Variants in STAB2 observed in about 807,000 individuals in gnomAD.
The protein encoded by STAB2 is stabilin-2.
Under a neutral mutation model 338.1 loss-of-function variants are expected in STAB2, and 288 were observed. The observed-to-expected ratio is 0.85, with a 90% CI of 0.77 to 0.94. The LOEUF (loss-of-function observed/expected upper bound fraction) is 0.94. Among genes scored for constraint, STAB2 ranks in the 40% least tolerant of loss-of-function variants. The pLI is 0.00. For missense variants in STAB2, 3,141 were observed against 3,210.1 expected (o/e 0.98, Z 0.52); for synonymous variants, 1,202 against 1,193.3 (o/e 1.01, Z -0.15).
In STAB2 at chr12:103,713,777, C is replaced by T. The variant is rs375355287; in HGVS notation, c.4537+9C>T. On this transcript the variant is annotated intron_variant, in intron 42 of 68. Coordinates refer to ENST00000388887, the MANE Select transcript of STAB2 (RefSeq NM_017564.10). ...TGGCATTGTGTGCCTGGGTAGGTGT[C>T]CTTCCCTCTTCCATCGGCGAAATGG... The T allele has an allele frequency of 4.3e-6, 7 of 1,613,326 alleles. No homozygotes were observed. The highest frequency in any genetic ancestry group is 5.9e-6 in the Non-Finnish European group (7 of 1,179,566).
intron 31 of STAB2, among the ~76,000 whole-genome samples, chr12:103,693,348 G>A (rs1448645411): frequency 1.3e-5 from 2 of 151,912 alleles, no homozygotes; most frequent in African/African-American, 4.8e-5. Context: ...GAGGCAGGAG[G>A]ATCACTTGAG....
intron 3 of STAB2, among the ~76,000 whole-genome samples, chr12:103,609,950 G>A (rs1035190233): frequency 7.2e-5 from 11 of 152,118 alleles, no homozygotes; most frequent in Non-Finnish European, 1.2e-4. Context: ...ATAATCATGC[G>A]GTTTTTGTCA....
chr12:103,698,003 A>T (rs114643174), intron 33 of STAB2, among the ~76,000 whole-genome samples: 3 of 152,270 alleles, frequency 2.0e-5, no homozygotes, highest in Admixed American at 2.0e-4. Flanking sequence ...AGAGGGCAGG[A>T]TTAAGCTGGC....
chr12:103,610,502 T>G (rs1290848764), intron 3 of STAB2, among the ~76,000 whole-genome samples: 1 of 152,212 alleles, frequency 6.6e-6, no homozygotes, highest in Non-Finnish European at 1.5e-5. Context: ...TATCTGATGG[T>G]AGTTTGTATT....
At chr12:103,717,901 C>A (rs1880455902) in intron 44 of STAB2, 60 bp downstream of exon 44, 2 of 1,568,178 alleles carry the variant, frequency 1.3e-6, no homozygotes, top group Non-Finnish European at 1.8e-6. Context: ...GCCTCCCACC[C>A]CACTTCTCGG....
At chr12:103,702,294 ATTT>A (rs34124272) in intron 34 of STAB2, among the ~76,000 whole-genome samples, 3 of 143,564 alleles carry the variant, frequency 2.1e-5, no homozygotes, top group Non-Finnish European at 1.5e-5. Flanking sequence ...ATTATCAGTT[ATTT>A]TTTTTTTTTT....
In STAB2 at chr12:103,669,528, T is replaced by C. The variant is rs1417409697; in HGVS notation, c.2173-13T>C. On this transcript the variant is annotated splice_polypyrimidine_tract_variant and intron_variant, in intron 20 of 68. Coordinates refer to ENST00000388887, the MANE Select transcript of STAB2 (RefSeq NM_017564.10). ...TTGGGGGTTCAAAGGGGAACACGCA[T>C]TTTGTTTTTCAGATTCCAAAGTGCT... 1.2e-6 allele frequency: 2 copies of C among 1,613,030 alleles called. No individual in the cohort carries two copies. Among genetic ancestry groups the C allele is most frequent in the Non-Finnish European group, 8.5e-7 (1 of 1,179,000 alleles).
At chr12:103,713,886 G>T in intron 42 of STAB2, 118 bp downstream of exon 42, 2 of 1,498,126 alleles carry the variant, frequency 1.3e-6, no homozygotes, top group Non-Finnish European at 1.8e-6. Context: ...TATTCCATTT[G>T]CCAGGGCAGG....
Position 103,762,393 on chromosome 12 carries a change from G to A in STAB2, c.7479G>A (p.Gln2493=), listed in dbSNP as rs1390513756. 1.2e-6 allele frequency: 2 copies of A among 1,614,102 alleles called. No individual in the cohort carries two copies. Among genetic ancestry groups the A allele is most frequent in the East Asian group, 4.5e-5 (2 of 44,892 alleles). Residue 2493 remains glutamine (Q), a synonymous_variant, in exon 67 of 69, where the codon CAG becomes CAA. Coordinates refer to ENST00000388887, the MANE Select transcript of STAB2 (RefSeq NM_017564.10). ...TAAACCGGAGAACAATCGGCTTCCAGCATTTTGAGGTAAGAGAGAAAAATG... is the reference window on the plus strand; with the variant it reads ...TAAACCGGAGAACAATCGGCTTCCAACATTTTGAGGTAAGAGAGAAAAATG... ...FRINRRTIGF[Q]HFESEEDINV...
intron 65 of STAB2, 80 bp downstream of exon 65, chr12:103,759,353 A>G: frequency 1.3e-6 from 2 of 1,535,816 alleles, no homozygotes; most frequent in Non-Finnish European, 1.8e-6. Context: ...TGCTTAATAG[A>G]TGGCAACTAT....
At chr12:103,643,619 G>A (rs1342774877) in intron 9 of STAB2, among the ~76,000 whole-genome samples, 1 of 152,098 alleles carries the variant, frequency 6.6e-6, no homozygotes, top group Non-Finnish European at 1.5e-5. Flanking sequence ...AGTGAGCATA[G>A]GCGCTGCCAG....
intron 34 of STAB2, among the ~76,000 whole-genome samples, chr12:103,701,692 C>G (rs1878885108): frequency 6.6e-6 from 1 of 152,044 alleles, no homozygotes; most frequent in Non-Finnish European, 1.5e-5. Flanking sequence ...ATTACAATCA[C>G]CATTTGAGAC....
chr12:103,605,745 A>G (rs1593130836), intron 3 of STAB2, among the ~76,000 whole-genome samples: 1 of 152,026 alleles, frequency 6.6e-6, no homozygotes, highest in East Asian at 1.9e-4. Context: ...AAAATATGTT[A>G]ATTTGAAATC....
chr12:103,692,956 G>A lies in STAB2; in HGVS notation c.3375+67G>A, dbSNP rs1175549666. ...CCTTTGTTGTTTATCGTCCTATACA[G>A]CATTTTTTTTTTTAAATAGAAAAAT... On this transcript the variant is annotated intron_variant, in intron 31 of 68. Transcript: ENST00000388887. 4.5e-6 allele frequency: 6 copies of A among 1,340,348 alleles called. No homozygotes were observed. The East Asian group carries it at 1.2e-4, about 28-fold the overall frequency. The allele number at this position is 1,340,348 out of a possible 1,614,324, so 83.0% of individuals were successfully genotyped here. A position where few individuals can be genotyped will look rare whatever the true frequency, so the allele number is the denominator to read the frequency against.
chr12:103,742,251 C>T (rs183528298), intron 55 of STAB2, among the ~76,000 whole-genome samples, 154 bp from the exon 56 acceptor site: 13 of 152,298 alleles, frequency 8.5e-5, no homozygotes, highest in Admixed American at 8.5e-4. Flanking sequence ...GTTCATGTCC[C>T]ATAGGCCAGT....
At chr12:103,695,044 A>AT (rs1878280252) in intron 31 of STAB2, among the ~76,000 whole-genome samples, 1 of 152,232 alleles carries the variant, frequency 6.6e-6, no homozygotes, top group Non-Finnish European at 1.5e-5. Context: ...CTATTATTAC[A>AT]TAGCACAAGC....
intron 28 of STAB2, among the ~76,000 whole-genome samples, 166 bp from the exon 29 acceptor site, chr12:103,689,680 C>T (rs1052881073): frequency 1.3e-5 from 2 of 152,062 alleles, no homozygotes; most frequent in Admixed American, 1.3e-4. Context: ...GTGAGTCTCA[C>T]AAGGGAAAAT....
intron 54 of STAB2, among the ~76,000 whole-genome samples, chr12:103,740,037 C>G (rs1880517687): frequency 6.6e-6 from 1 of 152,126 alleles, no homozygotes; most frequent in Admixed American, 6.5e-5. Context: ...TTTGACAAAT[C>G]TTATGACCTA....
chr12:103,677,741 T>G (rs1307608726), intron 25 of STAB2, 130 bp downstream of exon 25: 2 of 1,160,170 alleles, frequency 1.7e-6, no homozygotes, highest in Non-Finnish European at 2.4e-6. Context: ...GCAGTGAACA[T>G]GGGTTCATTG....
Sources: allele counts gnomAD v4.1 joint callset (sites outside exome capture counted in the v4.1 genomes callset), GRCh38; gene constraint gnomAD v4.1.1; transcripts MANE v1.5; gene names NCBI Gene and HGNC (gene_info 2026-07-23, HGNC 2026-07-21).